Variants in EPC2 observed in about 807,000 individuals in gnomAD.
EPC2 encodes enhancer of polycomb 2, also known as enhancer of polycomb homolog 2.
Under a neutral mutation model 92.1 loss-of-function variants are expected in EPC2, and 14 were observed. The ratio of observed to expected loss-of-function variants is 0.15; its 90% CI spans 0.10 to 0.24. The LOEUF is 0.24. Among genes scored for constraint, EPC2 ranks in the 10% least tolerant of loss-of-function variants. The pLI is 1.00. For missense variants in EPC2, 755 were observed against 971.5 expected (o/e 0.78, Z 2.96); for synonymous variants, 340 against 334.7 (o/e 1.02, Z -0.17).
intron 2 of EPC2, among the ~76,000 whole-genome samples, chr2:148,718,335 T>C (rs1682299484): frequency 6.6e-6 from 1 of 151,978 alleles, no homozygotes; most frequent in Non-Finnish European, 1.5e-5. Flanking sequence ...TCATAGGGAC[T>C]GATCTGTGTA....
chr2:148,747,487 C>G (rs550548452), intron 3 of EPC2, among the ~76,000 whole-genome samples: 60 of 152,164 alleles, frequency 3.9e-4, no homozygotes, highest in African/African-American at 1.4e-3. Context: ...TTGACCCCAT[C>G]CTTCTCAGCA....
At chr2:148,769,033 TATG>T in intron 7 of EPC2, 115 bp from the exon 8 acceptor site, 1 of 698,962 alleles carries the variant, frequency 1.4e-6, no homozygotes. Context: ...ATTCAGTACT[TATG>T]ATATGTAATA....
At chr2:148,680,435 G>A (rs1023300160) in intron 1 of EPC2, among the ~76,000 whole-genome samples, 4 of 152,214 alleles carry the variant, frequency 2.6e-5, no homozygotes, top group African/African-American at 9.6e-5. Context: ...GTATAGAAAT[G>A]ATGCCTACTG....
chr2:148,726,433 C>T (rs1217908900), intron 2 of EPC2, among the ~76,000 whole-genome samples: 1 of 152,142 alleles, frequency 6.6e-6, no homozygotes, highest in Non-Finnish European at 1.5e-5. Context: ...ACCAGCAGTG[C>T]ACAGTTTCAC....
At chr2:148,672,532 C>T (rs750255662) in intron 1 of EPC2, among the ~76,000 whole-genome samples, 18 of 152,110 alleles carry the variant, frequency 1.2e-4, no homozygotes, top group Non-Finnish European at 2.5e-4. Context: ...ATGGGGATTA[C>T]ATAAAACATC....
At position 148,771,300 on chromosome 2, in the gene EPC2, T is replaced by C. The variant is rs1683513177; in HGVS notation, c.1633T>C (p.Ser545Pro). Residue 545 changes from serine to proline, a missense_variant, in exon 10 of 14, where the codon TCA (serine) becomes CCA (proline). By Grantham distance (74) the Ser-to-Pro change is moderately conservative. This residue lies in a region of EPC2 where 509 missense variants were observed against 607.7 expected (regional missense o/e 0.84). Transcript: ENST00000258484. ...LQDSDSEECT[S>P]RKPGQTVNNK... ...GGACAGTGATAGTGAAGAATGTACC[T>C]CAAGAAAACCAGGGCAGACTGTGAA... is the stretch of plus-strand genomic sequence containing the variant. The C allele has an allele frequency of 1.9e-6, 3 of 1,613,830 alleles. No homozygotes were observed. The highest frequency in any genetic ancestry group is 2.5e-6 in the Non-Finnish European group (3 of 1,179,874).
intron 1 of EPC2, among the ~76,000 whole-genome samples, chr2:148,685,860 T>C: frequency 6.6e-6 from 1 of 152,252 alleles, no homozygotes; most frequent in East Asian, 1.9e-4. Flanking sequence ...TATCCATTCC[T>C]TAATTTTAAA....
chr2:148,749,502 G>A lies in EPC2; in HGVS notation c.460-4425G>A, dbSNP rs551172601. 1.2e-3 allele frequency among the ~76,000 whole-genome samples: 176 copies of A among 150,160 alleles called. 1 individual carries two copies. The highest frequency in any genetic ancestry group is 4.2e-3 in the African/African-American group (171 of 40,794). ...CGGTTTTTTTTTTTTTCATCATGCA[G>A]CATTTTAATTGTTTACTTGATACTG... On this transcript the variant is annotated intron_variant, in intron 3 of 13. Coordinates refer to ENST00000258484, the MANE Select transcript of EPC2 (RefSeq NM_015630.4).
rs1491111851 is a variant in EPC2 at position 148,698,695 on chromosome 2, T to TTTTG, written c.313+8325_313+8326insGTTT. Among the ~76,000 whole-genome samples, 25 of 4,416 alleles carry TTTTG rather than the reference T, an allele frequency of 5.7e-3. No homozygotes were observed. In the East Asian group the frequency reaches 0.32, roughly 57 times the overall value. 2.9% of individuals were successfully genotyped at this position (4,416 alleles called of 152,430 possible). On this transcript the variant is annotated intron_variant, in intron 2 of 13. Transcript: ENST00000258484. ...TCTGATAGAAACTAAGAAAGTAAGCTTTTTTTTTTTTTTTTTTGAGAAGCT... is the reference window on the plus strand; with the variant it reads ...TCTGATAGAAACTAAGAAAGTAAGCTTTTGTTTTTTTTTTTTTTTTTGAGAAGCT...
At chr2:148,656,206 T>G (rs999974927) in intron 1 of EPC2, among the ~76,000 whole-genome samples, 2 of 152,202 alleles carry the variant, frequency 1.3e-5, no homozygotes, top group African/African-American at 4.8e-5. Flanking sequence ...CTTTAACATC[T>G]CTGAGGAATT....
At chr2:148,747,829 G>A (rs79497180) in intron 3 of EPC2, among the ~76,000 whole-genome samples, 9,275 of 152,122 alleles carry the variant, frequency 0.061, 352 homozygotes, top group Non-Finnish European at 0.093. Flanking sequence ...TAAGCTGCTA[G>A]TAGTTTTTTG....
chr2:148,714,115 A>C (rs2105386255), intron 2 of EPC2, among the ~76,000 whole-genome samples: 3 of 122,320 alleles, frequency 2.5e-5, no homozygotes, highest in Middle Eastern at 7.0e-3. Context: ...CCATGTGTCC[A>C]TGTGTTCTCA....
At chr2:148,734,635 T>A (rs1682714797) in intron 2 of EPC2, among the ~76,000 whole-genome samples, 1 of 152,108 alleles carries the variant, frequency 6.6e-6, no homozygotes, top group Non-Finnish European at 1.5e-5. Context: ...CAGTGTAATA[T>A]GCACAAATTA....
At chr2:148,656,342 TTGCATTG>T (rs1256112824) in intron 1 of EPC2, among the ~76,000 whole-genome samples, 1 of 152,194 alleles carries the variant, frequency 6.6e-6, no homozygotes, top group African/African-American at 2.4e-5. Flanking sequence ...ACTTTATTTA[TTGCATTG>T]TGCATAGTGC....
At chr2:148,704,153 C>A (rs1681946432) in intron 2 of EPC2, among the ~76,000 whole-genome samples, 1 of 152,184 alleles carries the variant, frequency 6.6e-6, no homozygotes, top group South Asian at 2.1e-4. Context: ...TACAGGTATT[C>A]ATCACTGGAT....
At chr2:148,687,636 A>G (rs1681554007) in intron 1 of EPC2, among the ~76,000 whole-genome samples, 1 of 152,214 alleles carries the variant, frequency 6.6e-6, no homozygotes, top group Non-Finnish European at 1.5e-5. Flanking sequence ...GATGTAGTAT[A>G]GATGATTATT....
Position 148,784,901 on chromosome 2 carries a change from T to G in EPC2, c.2251T>G (p.Ser751Ala). The change falls in exon 13 of 14, where the codon TCA becomes GCA. Residue 751 changes from serine to alanine, a missense_variant. Ser to Ala is a moderately conservative substitution (Grantham distance 99). This residue lies in a region of EPC2 where 207 missense variants were observed against 260.5 expected (regional missense o/e 0.79). Transcript: ENST00000258484. ...CAATGTGCATATCAATACACGGACT[T>G]CAGCACCATCGCCAACAGCCTTAAA... ...PVNVHINTRT[S>A]APSPTALKLA... is the part of the protein sequence containing the mutation. 5.6e-6 allele frequency: 9 copies of G among 1,599,750 alleles called. No homozygotes were observed. The highest frequency in any genetic ancestry group is 7.7e-6 in the Non-Finnish European group (9 of 1,172,312).
chr2:148,658,621 A>ATG (rs1294114234), intron 1 of EPC2, among the ~76,000 whole-genome samples: 2 of 150,912 alleles, frequency 1.3e-5, no homozygotes, highest in African/African-American at 4.9e-5. Context: ...ATATATATAT[A>ATG]TATATATATA....
At chr2:148,673,807 A>G (rs1681202934) in intron 1 of EPC2, among the ~76,000 whole-genome samples, 1 of 151,996 alleles carries the variant, frequency 6.6e-6, no homozygotes. Flanking sequence ...GCTGGTCTCA[A>G]ACTCCTGACC....
Sources: allele counts gnomAD v4.1 joint callset (sites outside exome capture counted in the v4.1 genomes callset), GRCh38; gene constraint gnomAD v4.1.1; regional missense constraint gnomAD v4.1.1; transcripts MANE v1.5; gene names NCBI Gene and HGNC (gene_info 2026-07-23, HGNC 2026-07-21).